The following CPQ variants were observed in gnomAD, a reference collection of about 807,000 sequenced individuals.
The protein encoded by CPQ is carboxypeptidase Q.
CPQ carries 37 observed loss-of-function variants against 45.7 expected under a neutral mutation model. That is an observed-to-expected ratio of 0.81 (90% CI 0.62 to 1.07). The LOEUF is 1.07. CPQ is among the 50% of genes least tolerant of loss of function. The probability of loss-of-function intolerance (pLI) is 0.00; values close to 1 mark genes in which losing one functional copy is unlikely to be tolerated. For synonymous variants in CPQ, 186 were observed against 205.8 expected (o/e 0.90, Z 0.82); for missense variants, 537 against 572.9 (o/e 0.94, Z 0.64).
intron 1 of CPQ, among the ~76,000 whole-genome samples, chr8:96,676,319 A>G (rs1427966268): frequency 6.6e-6 from 1 of 151,968 alleles, no homozygotes; most frequent in Non-Finnish European, 1.5e-5. Context: ...TCTCCATGAG[A>G]TAAACTTTTT....
chr8:96,787,525 C>CT (rs71267281), intron 2 of CPQ, among the ~76,000 whole-genome samples: 590 of 47,492 alleles, frequency 0.012, 131 homozygotes, highest in African/African-American at 0.019. Flanking sequence ...CTTATAATGT[C>CT]TTTTTTTTTT....
At position 96,725,513 on chromosome 8, in the gene CPQ, G is replaced by A. The variant is rs149364428; in HGVS notation, c.-34-59351G>A. Among the ~76,000 whole-genome samples, 719 of 152,246 alleles carry A rather than the reference G, an allele frequency of 4.7e-3. 1 individual carries two copies. The highest frequency in any genetic ancestry group is 8.8e-3 in the Non-Finnish European group (598 of 68,002). ...CAACATCATTAATCATCAGAGAAAT[G>A]CAAATCAAAAGCACGATGAAATACC... On this transcript the variant is annotated intron_variant, in intron 1 of 7. Transcript: ENST00000220763.
chr8:96,895,109 T>C (rs578087488), intron 4 of CPQ, among the ~76,000 whole-genome samples: 24 of 152,286 alleles, frequency 1.6e-4, no homozygotes, highest in Middle Eastern at 3.4e-3. Flanking sequence ...AAAATCACTT[T>C]GCATCCCAGT....
intron 7 of CPQ, among the ~76,000 whole-genome samples, chr8:97,091,979 A>G (rs768288195): frequency 6.6e-5 from 10 of 152,142 alleles, no homozygotes; most frequent in African/African-American, 9.6e-5. Context: ...TGCCTCTGGT[A>G]CCAATAACTG....
At chr8:96,935,651 G>T (rs532198853) in intron 4 of CPQ, among the ~76,000 whole-genome samples, 1 of 152,196 alleles carries the variant, frequency 6.6e-6, no homozygotes, top group African/African-American at 2.4e-5. Flanking sequence ...AGGACTGTAC[G>T]TGTTTTAGTT....
At chr8:96,672,269 A>G (rs1563697993) in intron 1 of CPQ, among the ~76,000 whole-genome samples, 2 of 152,144 alleles carry the variant, frequency 1.3e-5, no homozygotes, top group Non-Finnish European at 2.9e-5. Flanking sequence ...GTGAGGTTGT[A>G]TAGTACACAG....
intron 1 of CPQ, among the ~76,000 whole-genome samples, chr8:96,686,732 T>C (rs1310020337): frequency 2.0e-5 from 3 of 152,096 alleles, no homozygotes; most frequent in Admixed American, 1.3e-4. Flanking sequence ...TTTTTTCCTA[T>C]GCTCTACAAC....
At position 97,026,724 on chromosome 8, in the gene CPQ, A is replaced by G. The variant is rs79112961; in HGVS notation, c.962-2679A>G. ...TTAGTCTTTTTAGGGCCAGCTGTGCACCAACTATGCTGTTGTTGTGTTGAG... is the reference window on the plus strand; with the variant it reads ...TTAGTCTTTTTAGGGCCAGCTGTGCGCCAACTATGCTGTTGTTGTGTTGAG... On this transcript the variant is annotated intron_variant, in intron 5 of 7. Coordinates refer to ENST00000220763, the MANE Select transcript of CPQ (RefSeq NM_016134.4). Among the ~76,000 whole-genome samples, 552 of 152,320 alleles carry G rather than the reference A, an allele frequency of 3.6e-3. 3 individuals are homozygous for G. Among genetic ancestry groups the G allele is most frequent in the African/African-American group, 0.012 (510 of 41,584 alleles).
chr8:96,723,976 C>G (rs921505698), intron 1 of CPQ, among the ~76,000 whole-genome samples: 3 of 151,958 alleles, frequency 2.0e-5, no homozygotes, highest in Non-Finnish European at 4.4e-5. Flanking sequence ...ACCCAAGAAC[C>G]TACCCTAAAC....
At chr8:96,980,291 C>T (rs1254684843) in intron 5 of CPQ, among the ~76,000 whole-genome samples, 1 of 152,114 alleles carries the variant, frequency 6.6e-6, no homozygotes, top group African/African-American at 2.4e-5. Context: ...CACCACTATG[C>T]CCAACTAATT....
intron 1 of CPQ, among the ~76,000 whole-genome samples, chr8:96,750,581 ATCTTT>A (rs889768209): frequency 2.8e-5 from 4 of 143,442 alleles, no homozygotes; most frequent in East Asian, 4.0e-4. Context: ...GATTCCTGAG[ATCTTT>A]TCTTTTTTTT....
chr8:96,993,943 A>T (rs1809136290), intron 5 of CPQ, among the ~76,000 whole-genome samples: 2 of 152,068 alleles, frequency 1.3e-5, no homozygotes, highest in African/African-American at 4.8e-5. Context: ...GTTAATTGGG[A>T]CCCTGTGATA....
At chr8:96,671,820 T>C (rs1051555013) in intron 1 of CPQ, among the ~76,000 whole-genome samples, 3 of 152,154 alleles carry the variant, frequency 2.0e-5, no homozygotes, top group African/African-American at 4.8e-5. Context: ...TTAATTTACC[T>C]GTAGAATCTC....
chr8:96,956,364 A>G (rs1813357369), intron 4 of CPQ, among the ~76,000 whole-genome samples: 1 of 152,176 alleles, frequency 6.6e-6, no homozygotes, highest in Non-Finnish European at 1.5e-5. Context: ...TGGAATTAGA[A>G]GAAATCATTT....
Position 96,825,442 on chromosome 8 carries a change from G to A in CPQ, c.434-9531G>A, listed in dbSNP as rs375907538. 7.9e-5 allele frequency among the ~76,000 whole-genome samples: 12 copies of A among 152,088 alleles called. No individual in the cohort carries two copies. In the East Asian group the frequency reaches 2.3e-3, roughly 30 times the overall value. Reference sequence around the variant, plus strand: ...GCACTGTCACTTTCTAGTTTGGTAAGGTATTTGAGCTTCGTTGTGCCTCCA... The same window carrying A: ...GCACTGTCACTTTCTAGTTTGGTAAAGTATTTGAGCTTCGTTGTGCCTCCA... On this transcript the variant is annotated intron_variant, in intron 2 of 7. Transcript: ENST00000220763.
At chr8:97,062,741 C>T (rs1366648795) in intron 6 of CPQ, among the ~76,000 whole-genome samples, 1 of 152,230 alleles carries the variant, frequency 6.6e-6, no homozygotes, top group East Asian at 1.9e-4. Flanking sequence ...TTTTCCATTT[C>T]TGACTTAGTT....
chr8:96,685,310 T>G (rs1809211500), intron 1 of CPQ, among the ~76,000 whole-genome samples: 1 of 152,192 alleles, frequency 6.6e-6, no homozygotes, highest in African/African-American at 2.4e-5. Flanking sequence ...TCTTTATTGC[T>G]CTGAGATCTT....
chr8:96,758,656 C>G (rs569486848), intron 1 of CPQ, among the ~76,000 whole-genome samples: 91 of 152,254 alleles, frequency 6.0e-4, no homozygotes, highest in Middle Eastern at 3.4e-3. Flanking sequence ...AACCATTAGT[C>G]TGTTTTGATA....
intron 4 of CPQ, among the ~76,000 whole-genome samples, chr8:96,944,127 C>CT (rs1385077114): frequency 1.3e-5 from 2 of 151,844 alleles, no homozygotes; most frequent in Admixed American, 6.6e-5. Context: ...AGAATTTTTT[C>CT]TTTTTTTTAG....
Sources: allele counts gnomAD v4.1 joint callset (sites outside exome capture counted in the v4.1 genomes callset), GRCh38; gene constraint gnomAD v4.1.1; transcripts MANE v1.5; gene names NCBI Gene and HGNC (gene_info 2026-07-23, HGNC 2026-07-21).